Variants in PCDHGA6 observed in about 807,000 individuals in gnomAD.
The protein encoded by PCDHGA6 is protocadherin gamma subfamily A, 6.
A neutral mutation model predicts 60.6 loss-of-function variants in PCDHGA6; 41 were observed. The observed-to-expected ratio is 0.68, with a 90% confidence interval of 0.53 to 0.88. PCDHGA6 has a LOEUF of 0.88. Among genes scored for constraint, PCDHGA6 ranks in the 40% least tolerant of loss-of-function variants. The pLI is 0.00. For synonymous variants in PCDHGA6, 594 were observed against 524.4 expected (o/e 1.13, Z -1.81); for missense variants, 1,312 against 1,203.0 (o/e 1.09, Z -1.34).
chr5:141,450,210 G>T (rs2098673599), intron 1 of PCDHGA6, among the ~76,000 whole-genome samples: 1 of 151,786 alleles, frequency 6.6e-6, no homozygotes. Flanking sequence ...TAGAGACAAG[G>T]TTTCACTATG....
Position 141,375,842 on chromosome 5 carries a change from C to CT in PCDHGA6, c.1760dup (p.Val588GlyfsTer178), listed in dbSNP as rs1331781655. ...GCCCCGCTCCGCAGAGCCCGGCTAC[C>CT]TGGTGACCAAGGTGGTGGCGGTGGA... On this transcript the variant is annotated frameshift_variant, in exon 1 of 4. Coordinates refer to ENST00000517434, the MANE Select transcript of PCDHGA6 (RefSeq NM_018919.3). LOFTEE classifies it high-confidence loss of function. The CT allele has an allele frequency of 6.2e-7, 1 of 1,614,004 alleles. No individual in the cohort carries two copies. Among genetic ancestry groups the CT allele is most frequent in the Non-Finnish European group, 8.5e-7 (1 of 1,180,048 alleles).
At position 141,489,728 on chromosome 5, in the gene PCDHGA6, G is replaced by T; in HGVS notation, c.2425-5079G>T. ...GACAGTGCCCAGGATCCGGATGTGGGCACCAATACTGTGAGCTTTTACACT... is the reference window on the plus strand; with the variant it reads ...GACAGTGCCCAGGATCCGGATGTGGTCACCAATACTGTGAGCTTTTACACT... On this transcript the variant is annotated intron_variant, in intron 1 of 3. Transcript: ENST00000517434. The surrounding 1 kb of genome is among the most constrained non-coding windows in gnomAD (Gnocchi z 4.5). The T allele has an allele frequency of 3.1e-6, 5 of 1,614,138 alleles. No homozygotes were observed. The South Asian group carries it at 5.5e-5, about 18-fold the overall frequency.
At chr5:141,427,938 G>A in intron 1 of PCDHGA6, 1 of 1,584,968 alleles carries the variant, frequency 6.3e-7, no homozygotes, top group South Asian at 1.1e-5. Context: ...GTTGGTGGGC[G>A]ACCTCAATGA....
chr5:141,374,352 T>C lies in PCDHGA6; in HGVS notation c.269T>C (p.Ile90Thr), dbSNP rs1288920388. The C allele has an allele frequency of 4.3e-6, 7 of 1,614,010 alleles. No homozygotes were observed. The Admixed American group carries it at 5.0e-5, about 12-fold the overall frequency. Residue 90 changes from isoleucine (I) to threonine (T), a missense_variant, in exon 1 of 4, where the codon ATA becomes ACA. Ile to Thr is a moderately conservative substitution (Grantham distance 89, BLOSUM62 -1). Transcript: ENST00000517434. Reference protein sequence around the residue: ...RNGSLVTAGRIDREELCAQSP... With the variant: ...RNGSLVTAGRTDREELCAQSP... ...GGCAGCTTGGTCACCGCGGGTAGGA[T>C]AGACCGCGAGGAGCTCTGTGCTCAG...
intron 1 of PCDHGA6, chr5:141,387,659 G>A: frequency 1.5e-6 from 1 of 650,434 alleles, no homozygotes; most frequent in Non-Finnish European, 2.6e-6. Context: ...GGAGAGCTTG[G>A]CGCTCCAGAT....
At chr5:141,395,542 T>TTGTG (rs55729045) in intron 1 of PCDHGA6, 55 of 172,626 alleles carry the variant, frequency 3.2e-4, no homozygotes, top group East Asian at 1.2e-3. Context: ...TTGCTATTGT[T>TTGTG]TGTGTGTGTG....
At chr5:141,414,890 C>T in intron 1 of PCDHGA6, 5 of 1,614,232 alleles carry the variant, frequency 3.1e-6, no homozygotes, top group Non-Finnish European at 4.2e-6. Context: ...CCCGCCCTCC[C>T]CACAGACGGT....
chr5:141,405,437 T>A, intron 1 of PCDHGA6: 1 of 1,433,230 alleles, frequency 7.0e-7, no homozygotes, highest in Non-Finnish European at 9.6e-7. Context: ...GTTTTGTTTT[T>A]GAGACAGAGT....
In PCDHGA6 at chr5:141,487,439, T is replaced by C. The variant is rs201458212; in HGVS notation, c.2425-7368T>C. 1 of 1,613,926 alleles carries C rather than the reference T, an allele frequency of 6.2e-7. No individual in the cohort carries two copies. Among genetic ancestry groups the C allele is most frequent in the South Asian group, 1.1e-5 (1 of 91,066 alleles). ...TGGGATCCTCCGAATCCAGCTAGGG[T>C]CAGATGACCCTATCAAGTTTGTTGA... is the stretch of plus-strand genomic sequence containing the variant. On this transcript the variant is annotated intron_variant, in intron 1 of 3. Transcript: ENST00000517434. This position sits in a 1 kb window ranked among gnomAD's most constrained non-coding sequence, Gnocchi z 5.0.
At chr5:141,409,104 T>C in intron 1 of PCDHGA6, 3 of 1,613,960 alleles carry the variant, frequency 1.9e-6, no homozygotes, top group Non-Finnish European at 2.5e-6. Context: ...ACAGGTATGA[T>C]TAAGAATAAC....
chr5:141,388,060 A>G lies in PCDHGA6; in HGVS notation c.2424+11553A>G, dbSNP rs1429863107. 16 of 1,381,916 alleles carry G rather than the reference A, an allele frequency of 1.2e-5. No individual in the cohort carries two copies. The highest frequency in any genetic ancestry group is 2.5e-5 in the East Asian group (1 of 40,268). The allele number at this position is 1,381,916 out of a possible 1,614,324, so 85.6% of individuals were successfully genotyped here. Reference sequence around the variant, plus strand: ...GCCACGGACCTGGGGTTCAGCGTCCAGGAGTTACCGACTCGAAAACTGCGC... The same window carrying G: ...GCCACGGACCTGGGGTTCAGCGTCCGGGAGTTACCGACTCGAAAACTGCGC... On this transcript the variant is annotated intron_variant, in intron 1 of 3. Transcript: ENST00000517434.
chr5:141,420,255 A>G lies in PCDHGA6; in HGVS notation c.2424+43748A>G, dbSNP rs917458059. The G allele has an allele frequency of 7.6e-6, 12 of 1,569,630 alleles. No homozygotes were observed. Among genetic ancestry groups the G allele is most frequent in the African/African-American group, 1.4e-5 (1 of 73,152 alleles). ...ATTTTAACTCCCAGCGTTGAAGCAG[A>G]TAAGAAGATTCTTAAACAGGTAAGT... is the stretch of plus-strand genomic sequence containing the variant. On this transcript the variant is annotated intron_variant, in intron 1 of 3. Coordinates refer to ENST00000517434, the MANE Select transcript of PCDHGA6 (RefSeq NM_018919.3).
intron 1 of PCDHGA6, among the ~76,000 whole-genome samples, chr5:141,439,449 G>A (rs761506247): frequency 4.6e-5 from 7 of 152,184 alleles, no homozygotes; most frequent in Admixed American, 3.9e-4. Context: ...TATTGCGGGA[G>A]CAAGACTGCA....
chr5:141,399,603 A>G, intron 1 of PCDHGA6: 1 of 1,613,950 alleles, frequency 6.2e-7, no homozygotes, highest in Non-Finnish European at 8.5e-7. Flanking sequence ...CCAGCGACCT[A>G]GAGCCTCTGG....
intron 1 of PCDHGA6, chr5:141,400,190 T>C: frequency 1.2e-6 from 2 of 1,614,016 alleles, no homozygotes; most frequent in Non-Finnish European, 1.7e-6. Context: ...CAGTTTTACC[T>C]AGTGGTGGCC....
At position 141,469,305 on chromosome 5, in the gene PCDHGA6, G is replaced by A. The variant is rs990437808; in HGVS notation, c.2425-25502G>A. Among the ~76,000 whole-genome samples the A allele has an allele frequency of 3.9e-5, 6 of 152,192 alleles. No homozygotes were observed. The South Asian group carries it at 6.2e-4, about 16-fold the overall frequency. On this transcript the variant is annotated intron_variant, in intron 1 of 3. Transcript: ENST00000517434. ...AAATAAAACAAAATAGACTGGGCACGATGGCTCACGCCTGTAATCCCACCA... is the reference window on the plus strand; with the variant it reads ...AAATAAAACAAAATAGACTGGGCACAATGGCTCACGCCTGTAATCCCACCA...
intron 1 of PCDHGA6, among the ~76,000 whole-genome samples, chr5:141,447,527 A>C (rs1278828003): frequency 6.6e-6 from 1 of 152,224 alleles, no homozygotes; most frequent in East Asian, 1.9e-4. Flanking sequence ...TCATAACAAA[A>C]TTGTTGGGTT....
In PCDHGA6 at chr5:141,450,141, G is replaced by A. The variant is rs762961199; in HGVS notation, c.2425-44666G>A. On this transcript the variant is annotated intron_variant, in intron 1 of 3. Transcript: ENST00000517434. ...CCTGCCTTAGCCTCCTGAGTAGCTG[G>A]GACTACAGGCATGTGCCACCACACT... Among the ~76,000 whole-genome samples, 401 of 151,622 alleles carry A rather than the reference G, an allele frequency of 2.6e-3. 1 individual carries two copies. The highest frequency in any genetic ancestry group is 3.8e-3 in the Non-Finnish European group (260 of 67,912).
intron 2 of PCDHGA6, among the ~76,000 whole-genome samples, chr5:141,497,578 T>C (rs2099778035): frequency 1.3e-5 from 2 of 150,806 alleles, no homozygotes; most frequent in South Asian, 4.2e-4. Context: ...CTTGCTCTGT[T>C]GCCCAAGCTG....
Sources: gnomAD v4.1 joint callset for allele counts (sites outside exome capture counted in the v4.1 genomes callset) on GRCh38, gnomAD v4.1.1 for gene constraint, Gnocchi (gnomAD v3.1) non-coding constraint, MANE v1.5 for transcripts, NCBI Gene and HGNC (gene_info 2026-07-23, HGNC 2026-07-21) for gene names.